ETNPPL: variants seen among roughly 807,000 people sequenced by gnomAD.
ETNPPL encodes the protein alanine--glyoxylate aminotransferase 2-like 1.
ETNPPL carries 30 observed loss-of-function variants against 55.5 expected under a neutral mutation model. The observed-to-expected ratio is 0.54, with a 90% CI of 0.40 to 0.73. The LOEUF is 0.73. ETNPPL is among the 30% of genes least tolerant of loss of function. The pLI, the probability that ETNPPL is intolerant of heterozygous loss-of-function variation, is 0.00. For synonymous variants in ETNPPL, 202 were observed against 207.2 expected, an observed-to-expected ratio of 0.98 and a Z score of 0.21; for missense variants, 528 against 607.9, an observed-to-expected ratio of 0.87 and a Z score of 1.38.
chr4:108,749,305 GCCACC>G lies in ETNPPL; in HGVS notation c.855_859del (p.Val286MetfsTer21). 1 of 1,614,066 alleles carries G rather than the reference GCCACC, an allele frequency of 6.2e-7. No individual in the cohort carries two copies. The highest frequency in any genetic ancestry group is 8.5e-7 in the Non-Finnish European group (1 of 1,179,994). On this transcript the variant is annotated frameshift_variant, in exon 8 of 13. Coordinates refer to ENST00000296486, the MANE Select transcript of ETNPPL (RefSeq NM_031279.4). LOFTEE classifies it high-confidence loss of function. ...AATTTCTTTGGTTGTTACCACACAT[GCCACC>G]GGGTGGCCGTTGCCCATCGGTTTTC...
chr4:108,746,861 G>A lies in ETNPPL; in HGVS notation c.1083-10C>T, dbSNP rs769203541. Reference sequence around the variant, plus strand: ...AAAAAGGCCAATGCCCCTGCGAGAGGTGAAGAAAAACTTGACCCACAATCT... The same window carrying A: ...AAAAAGGCCAATGCCCCTGCGAGAGATGAAGAAAAACTTGACCCACAATCT... On this transcript the variant is annotated splice_polypyrimidine_tract_variant and intron_variant, in intron 9 of 12. Transcript: ENST00000296486. 1 of 1,606,140 alleles carries A rather than the reference G, an allele frequency of 6.2e-7. No homozygotes were observed. Among genetic ancestry groups the A allele is most frequent in the Admixed American group, 1.7e-5 (1 of 59,908 alleles).
Position 108,742,434 on chromosome 4 carries a change from T to C in ETNPPL, c.*50A>G, listed in dbSNP as rs1248346404. On this transcript the variant is annotated 3_prime_UTR_variant, in exon 13 of 13. Transcript: ENST00000296486. ...CTATTAACCGATGAGACACATCTAC[T>C]CATTCTCTGTAACTCTGGACATCGC... The C allele has an allele frequency of 6.2e-7, 1 of 1,601,654 alleles. No homozygotes were observed. Among genetic ancestry groups the C allele is most frequent in the Non-Finnish European group, 8.5e-7 (1 of 1,170,038 alleles).
chr4:108,744,405 T>G (rs557340969), intron 11 of ETNPPL, among the ~76,000 whole-genome samples: 22 of 152,192 alleles, frequency 1.4e-4, no homozygotes, highest in Non-Finnish European at 3.1e-4. Context: ...GGCCCACTAT[T>G]AATAACACTC....
Position 108,756,507 on chromosome 4 carries a change from T to C in ETNPPL, c.336-15A>G, listed in dbSNP as rs778445209. Reference sequence around the variant, plus strand: ...TGGCTTCGGATCTATTAAGATAACATAGAGAGAGAGGACACTGTGACAGTC... The same window carrying C: ...TGGCTTCGGATCTATTAAGATAACACAGAGAGAGAGGACACTGTGACAGTC... On this transcript the variant is annotated splice_polypyrimidine_tract_variant and intron_variant, in intron 3 of 12. Transcript: ENST00000296486. The C allele has an allele frequency of 1.9e-6, 3 of 1,601,192 alleles. No individual in the cohort carries two copies. Among genetic ancestry groups the C allele is most frequent in the South Asian group, 2.2e-5 (2 of 90,810 alleles).
intron 4 of ETNPPL, among the ~76,000 whole-genome samples, chr4:108,755,554 C>T (rs775889662): frequency 3.3e-5 from 5 of 152,100 alleles, no homozygotes; most frequent in South Asian, 2.1e-4. Context: ...CGGTGGCTCA[C>T]GCCTGTAATC....
intron 9 of ETNPPL, among the ~76,000 whole-genome samples, chr4:108,747,071 AC>A: frequency 7.0e-6 from 1 of 142,208 alleles, no homozygotes; most frequent in East Asian, 2.0e-4. Flanking sequence ...CTTAAAAACA[AC>A]CCTTTCATGC....
chr4:108,759,825 T>C lies in ETNPPL; in HGVS notation c.259A>G (p.Asn87Asp). The change falls in exon 3 of 13, where the codon AAC (asparagine) becomes GAC (aspartate). Residue 87 changes from asparagine to aspartate, a missense_variant. Transcript: ENST00000296486. ...LNTNSRFLHDNIVEYAKRLSA... is the reference protein window; with the variant it reads ...LNTNSRFLHDDIVEYAKRLSA... ...AGGCGTTTGGCATACTCAACAATGT[T>C]GTCGTGGAGGAATCGAGAATTTGTA... 3 of 1,614,142 alleles carry C rather than the reference T, an allele frequency of 1.9e-6. No individual in the cohort carries two copies. Among genetic ancestry groups the C allele is most frequent in the Non-Finnish European group, 2.5e-6 (3 of 1,180,000 alleles).
At chr4:108,750,016 T>C (rs565707147) in intron 7 of ETNPPL, among the ~76,000 whole-genome samples, 1 of 152,184 alleles carries the variant, frequency 6.6e-6, no homozygotes, top group Non-Finnish European at 1.5e-5. Flanking sequence ...CCCAGTCCTA[T>C]TACCATATTA....
At chr4:108,747,528 G>C (rs541949330) in intron 9 of ETNPPL, among the ~76,000 whole-genome samples, 77 of 151,148 alleles carry the variant, frequency 5.1e-4, no homozygotes, top group African/African-American at 1.8e-3. Context: ...TCAAACTCCT[G>C]GGCTCAAGCA....
Position 108,759,721 on chromosome 4 carries a change from G to A in ETNPPL, c.335+28C>T, listed in dbSNP as rs1310122090. 5 of 1,609,140 alleles carry A rather than the reference G, an allele frequency of 3.1e-6. No homozygotes were observed. The East Asian group carries it at 8.9e-5, about 29-fold the overall frequency. ...GAGTAGACAAAGTTTAGTGGGAATG[G>A]GGAGGGGTGGGAAACCATGAAGCAT... On this transcript the variant is annotated intron_variant, in intron 3 of 12. Transcript: ENST00000296486.
chr4:108,759,979 GAAGC>G (rs984401965), intron 2 of ETNPPL, 71 bp from the exon 3 acceptor site: 41 of 1,450,206 alleles, frequency 2.8e-5, no homozygotes, highest in African/African-American at 4.3e-5. Flanking sequence ...GAGGAATTAT[GAAGC>G]AAGCAAGCAA....
At chr4:108,745,953 A>C (rs1196322824) in intron 11 of ETNPPL, among the ~76,000 whole-genome samples, 1 of 147,244 alleles carries the variant, frequency 6.8e-6, no homozygotes, top group African/African-American at 2.6e-5. Flanking sequence ...AAAAAAAACC[A>C]CGCAAAGTTA....
chr4:108,758,602 A>T (rs1729342982), intron 3 of ETNPPL, among the ~76,000 whole-genome samples: 1 of 152,140 alleles, frequency 6.6e-6, no homozygotes, highest in South Asian at 2.1e-4. Context: ...AAACAAAACA[A>T]AACAAAAAAC....
chr4:108,744,511 T>G (rs1156838568), intron 11 of ETNPPL, among the ~76,000 whole-genome samples: 1 of 151,928 alleles, frequency 6.6e-6, no homozygotes, highest in South Asian at 2.1e-4. Context: ...AAAGGACACA[T>G]CTGCTTGTGA....
Position 108,756,399 on chromosome 4 carries a change from T to G in ETNPPL, c.410+19A>C. On this transcript the variant is annotated intron_variant, in intron 4 of 12. Transcript: ENST00000296486. ...TCTGAAGAAGCTTCTTGCTTAAAAA[T>G]CTTGTGTCCAAGACTTACTGGTCAA... The G allele has an allele frequency of 6.3e-7, 1 of 1,595,406 alleles. No individual in the cohort carries two copies. The highest frequency in any genetic ancestry group is 8.6e-7 in the Non-Finnish European group (1 of 1,162,948).
At chr4:108,758,471 C>G (rs1729336552) in intron 3 of ETNPPL, among the ~76,000 whole-genome samples, 1 of 152,020 alleles carries the variant, frequency 6.6e-6, no homozygotes, top group Non-Finnish European at 1.5e-5. Context: ...AAGTTGGGGC[C>G]AGGCACGGTG....
At chr4:108,754,174 C>T (rs1409162213) in intron 5 of ETNPPL, among the ~76,000 whole-genome samples, 5 of 151,860 alleles carry the variant, frequency 3.3e-5, no homozygotes, top group African/African-American at 7.3e-5. Context: ...GACAGGATTT[C>T]GCCATGTTGT....
At position 108,746,518 on chromosome 4, in the gene ETNPPL, T is replaced by A; in HGVS notation, c.1184A>T (p.Lys395Ile). ...AQHIIYKMKE[K>I]RVLLSADGPH... ...TCCATCGGCACTGAGAAGCACTCGT[T>A]TTTCTTTCATCCTAATTTGTGTAGG... The change falls in exon 11 of 13, where the codon AAA (lysine) becomes ATA (isoleucine). Residue 395 changes from lysine (K) to isoleucine (I), a missense_variant. By Grantham distance (102) the Lys-to-Ile change is moderately radical (BLOSUM62 -3). Coordinates refer to ENST00000296486, the MANE Select transcript of ETNPPL (RefSeq NM_031279.4). 1 of 1,612,596 alleles carries A rather than the reference T, an allele frequency of 6.2e-7. No homozygotes were observed. The highest frequency in any genetic ancestry group is 8.5e-7 in the Non-Finnish European group (1 of 1,179,892).
At chr4:108,762,406 A>G in intron 1 of ETNPPL, 1 of 515,202 alleles carries the variant, frequency 1.9e-6, no homozygotes, top group South Asian at 1.5e-5. Context: ...AATTGTCAGA[A>G]TTGGTTTGTT....
Sources: gnomAD v4.1 joint callset for allele counts (sites outside exome capture counted in the v4.1 genomes callset) on GRCh38, gnomAD v4.1.1 for gene constraint, MANE v1.5 for transcripts, NCBI Gene and HGNC (gene_info 2026-07-23, HGNC 2026-07-21) for gene names.